CSMD1: variants seen among roughly 807,000 people sequenced by gnomAD.
CSMD1 encodes CUB and Sushi multiple domains 1.
Under a neutral mutation model 417.5 loss-of-function variants are expected in CSMD1, and 213 were observed. The observed-to-expected ratio is 0.51, with a 90% CI of 0.46 to 0.57. CSMD1 has a LOEUF of 0.57. Ranked by LOEUF, CSMD1 falls within the 20% of genes least tolerant of loss-of-function variation. The probability of loss-of-function intolerance (pLI) is 0.00; values close to 1 mark genes in which losing one functional copy is unlikely to be tolerated. For synonymous variants in CSMD1, 2,862 were observed against 1,736.8 expected, an observed-to-expected ratio of 1.65 and a Z score of -16.11; for missense variants, 6,923 against 4,529.7, an observed-to-expected ratio of 1.53 and a Z score of -15.17.
intron 37 of CSMD1, among the ~76,000 whole-genome samples, chr8:3,171,421 G>A (rs1235140284): frequency 6.6e-6 from 1 of 152,116 alleles, no homozygotes; most frequent in Non-Finnish European, 1.5e-5. Flanking sequence ...CCACTGACAT[G>A]TCTAAAGTCC....
rs1209977548 is a variant in CSMD1, at chr8:3,754,437, T to TTTA, written c.819-398_819-396dup. Among the ~76,000 whole-genome samples, 60 of 130,386 alleles carry TTTA rather than the reference T, an allele frequency of 4.6e-4. No homozygotes were observed. In the Middle Eastern group the frequency reaches 0.011, roughly 25 times the overall value. 85.5% of individuals were successfully genotyped at this position (130,386 alleles called of 152,430 possible). ...AATTTGAAGACTTAGTAATTCCTTA[T>TTTA]TTATTTATTTATTTATTTATTTATT... On this transcript the variant is annotated intron_variant, in intron 5 of 69. Transcript: ENST00000635120.
At chr8:4,125,147 G>A (rs1156324780) in intron 3 of CSMD1, among the ~76,000 whole-genome samples, 1 of 151,866 alleles carries the variant, frequency 6.6e-6, no homozygotes, top group Non-Finnish European at 1.5e-5. Flanking sequence ...ATCAGGAGAA[G>A]ACTTCTTGTC....
chr8:4,398,648 G>T (rs557721998), intron 3 of CSMD1, among the ~76,000 whole-genome samples: 1 of 152,004 alleles, frequency 6.6e-6, no homozygotes, highest in Non-Finnish European at 1.5e-5. Context: ...GCCCCTCTTG[G>T]CCTCCCAAAG....
At chr8:3,834,670 G>A (rs576468153) in intron 5 of CSMD1, among the ~76,000 whole-genome samples, 4 of 152,038 alleles carry the variant, frequency 2.6e-5, no homozygotes, top group East Asian at 3.9e-4. Context: ...GGTGGTTTAG[G>A]GATCCACAGA....
intron 2 of CSMD1, among the ~76,000 whole-genome samples, chr8:4,584,892 T>G (rs1055669847): frequency 2.0e-5 from 3 of 152,076 alleles, no homozygotes; most frequent in Non-Finnish European, 4.4e-5. Context: ...TTGCATTGGA[T>G]TGGATTAAGC....
intron 3 of CSMD1, among the ~76,000 whole-genome samples, chr8:4,142,162 G>T (rs1361624749): frequency 1.3e-5 from 2 of 151,020 alleles, no homozygotes; most frequent in African/African-American, 5.0e-5. Context: ...AATGATACTG[G>T]TGAATACCAT....
At chr8:3,206,259 G>A (rs62502949) in intron 30 of CSMD1, among the ~76,000 whole-genome samples, 13,393 of 102,138 alleles carry the variant, frequency 0.13, 922 homozygotes, top group Non-Finnish European at 0.18. Flanking sequence ...GGGTATGTAT[G>A]TGTGGGGGGG....
At chr8:3,292,275 G>C (rs1484100328) in intron 25 of CSMD1, among the ~76,000 whole-genome samples, 1 of 152,130 alleles carries the variant, frequency 6.6e-6, no homozygotes, top group Non-Finnish European at 1.5e-5. Flanking sequence ...AGTAGGTGTG[G>C]TGTGGTGCTG....
intron 2 of CSMD1, among the ~76,000 whole-genome samples, chr8:4,445,174 A>G (rs1022076612): frequency 4.0e-5 from 6 of 151,760 alleles, no homozygotes; most frequent in African/African-American, 1.5e-4. Context: ...AGAATCTGAC[A>G]CCTTTTTTTT....
chr8:4,229,963 T>G (rs1801611735), intron 3 of CSMD1, among the ~76,000 whole-genome samples: 1 of 152,180 alleles, frequency 6.6e-6, no homozygotes, highest in South Asian at 2.1e-4. Context: ...GACTTTTACG[T>G]CCTAAAGCCG....
intron 10 of CSMD1, among the ~76,000 whole-genome samples, chr8:3,545,699 C>G (rs148268044): frequency 3.2e-4 from 48 of 152,232 alleles, no homozygotes; most frequent in Non-Finnish European, 6.6e-4. Flanking sequence ...CACTTAACTG[C>G]GAATCACAGC....
In CSMD1 at chr8:4,924,127, G is replaced by A. The variant is rs189460094; in HGVS notation, c.85+70205C>T. ...CTGACAATGTAAATCAAGCATCCAG[G>A]CTCACAAATAAACATCCAGACACTC... On this transcript the variant is annotated intron_variant, in intron 1 of 69. Coordinates refer to ENST00000635120, the MANE Select transcript of CSMD1 (RefSeq NM_033225.6). 1.2e-3 allele frequency among the ~76,000 whole-genome samples: 178 copies of A among 152,180 alleles called. 1 individual carries two copies. Among genetic ancestry groups the A allele is most frequent in the African/African-American group, 4.0e-3 (167 of 41,518 alleles).
intron 3 of CSMD1, among the ~76,000 whole-genome samples, chr8:4,376,670 C>A (rs1357700269): frequency 6.6e-6 from 1 of 152,172 alleles, no homozygotes; most frequent in African/African-American, 2.4e-5. Context: ...TCATATCACA[C>A]CGTTGTTAAC....
At chr8:3,608,220 G>A (rs117502802) in intron 8 of CSMD1, among the ~76,000 whole-genome samples, 6 of 151,556 alleles carry the variant, frequency 4.0e-5, no homozygotes, top group Non-Finnish European at 7.4e-5. Context: ...GGACACTGAA[G>A]GTGGGCAGGT....
intron 4 of CSMD1, among the ~76,000 whole-genome samples, chr8:4,007,130 G>C (rs1289437072): frequency 6.6e-6 from 1 of 152,052 alleles, no homozygotes; most frequent in Admixed American, 6.5e-5. Flanking sequence ...CAGCCACCGA[G>C]CCTGGCCACG....
At chr8:4,127,800 G>T (rs1802854986) in intron 3 of CSMD1, among the ~76,000 whole-genome samples, 1 of 152,250 alleles carries the variant, frequency 6.6e-6, no homozygotes, top group Non-Finnish European at 1.5e-5. Flanking sequence ...GAAGTAGATG[G>T]TATTTGTACT....
intron 1 of CSMD1, among the ~76,000 whole-genome samples, chr8:4,688,447 G>T (rs1410284574): frequency 6.6e-6 from 1 of 152,046 alleles, no homozygotes; most frequent in Non-Finnish European, 1.5e-5. Flanking sequence ...CATCTCCCCG[G>T]GTCCCTGCTG....
At chr8:2,961,584 G>C (rs73499068) in intron 61 of CSMD1, among the ~76,000 whole-genome samples, 1 of 151,608 alleles carries the variant, frequency 6.6e-6, no homozygotes, top group African/African-American at 2.4e-5. Flanking sequence ...CATCTCATTT[G>C]GTTACCCATT....
intron 1 of CSMD1, among the ~76,000 whole-genome samples, chr8:4,710,509 G>C (rs1477884132): frequency 6.8e-6 from 1 of 147,804 alleles, no homozygotes; most frequent in Non-Finnish European, 1.5e-5. Flanking sequence ...AAATTACATT[G>C]AGTAAGTGTG....
Sources: gnomAD v4.1 joint callset for allele counts (sites outside exome capture counted in the v4.1 genomes callset) on GRCh38, gnomAD v4.1.1 for gene constraint, MANE v1.5 for transcripts, NCBI Gene and HGNC (gene_info 2026-07-23, HGNC 2026-07-21) for gene names.